The following ZBTB24 variants were observed in gnomAD, a reference collection of about 807,000 sequenced individuals.
ZBTB24 encodes zinc finger and BTB domain containing 24, also known as zinc finger and BTB domain-containing protein 24.
In ZBTB24, 32 loss-of-function variants were observed where a neutral mutation model predicts 53.8. The ratio of observed to expected loss-of-function variants is 0.60; its 90% CI spans 0.45 to 0.80. The LOEUF (loss-of-function observed/expected upper bound fraction) is 0.80. ZBTB24 is among the 30% of genes least tolerant of loss of function. The probability of loss-of-function intolerance (pLI) is 0.00; values close to 1 mark genes in which losing one functional copy is unlikely to be tolerated. For synonymous variants in ZBTB24, 297 were observed against 306.7 expected (o/e 0.97, Z 0.33); for missense variants, 722 against 837.1 (o/e 0.86, Z 1.70).
intron 2 of ZBTB24, among the ~76,000 whole-genome samples, chr6:109,479,915 C>CAAAA (rs200514874): frequency 1.2e-4 from 5 of 41,818 alleles, no homozygotes; most frequent in East Asian, 5.2e-4. Context: ...GAATCCATCT[C>CAAAA]AAAAAAAAAA....
At chr6:109,474,332 G>A (rs1053066051) in intron 5 of ZBTB24, among the ~76,000 whole-genome samples, 1 of 152,146 alleles carries the variant, frequency 6.6e-6, no homozygotes, top group African/African-American at 2.4e-5. Flanking sequence ...GATTTTTCTG[G>A]AGGTGGTGCT....
At chr6:109,482,091 A>G in intron 1 of ZBTB24, 37 bp from the exon 2 acceptor site, 1 of 1,461,482 alleles carries the variant, frequency 6.8e-7, no homozygotes, top group Non-Finnish European at 9.5e-7. Context: ...AGGAGAAAGC[A>G]CTGTCTAAAA....
Position 109,482,066 on chromosome 6 carries a change from A to C in ZBTB24, c.-28-12T>G, listed in dbSNP as rs1361100224. The C allele has an allele frequency of 6.3e-7, 1 of 1,589,854 alleles. No individual in the cohort carries two copies. The highest frequency in any genetic ancestry group is 8.6e-7 in the Non-Finnish European group (1 of 1,158,984). ...ACTAAGGGTTAAATCTGAAATAAGA[A>C]AACAAGGTTTAAAAAGGAGAAAGCA... On this transcript the variant is annotated splice_polypyrimidine_tract_variant and intron_variant, in intron 1 of 6. Transcript: ENST00000230122.
chr6:109,476,337 A>G (rs1776278337), intron 3 of ZBTB24, 79 bp from the exon 4 acceptor site: 2 of 1,458,622 alleles, frequency 1.4e-6, no homozygotes, highest in Non-Finnish European at 1.9e-6. Context: ...TAAATACTAC[A>G]GTGGGTCCAG....
Position 109,481,838 on chromosome 6 carries a change from T to C in ZBTB24, c.189A>G (p.Ser63=), listed in dbSNP as rs779449582. The C allele has an allele frequency of 2.5e-6, 4 of 1,614,094 alleles. No homozygotes were observed. The highest frequency in any genetic ancestry group is 3.4e-6 in the Non-Finnish European group (4 of 1,180,042). Reference sequence around the variant, plus strand: ...TTTCCCCCTCTTCTGCAAACATCATTGAGAAGTATTCACTACTGGCAGCAA... The same window carrying C: ...TTTCCCCCTCTTCTGCAAACATCATCGAGAAGTATTCACTACTGGCAGCAA... ...ALLAASSEYF[S]MMFAEEGEIG... Residue 63 remains serine (S), a synonymous_variant, in exon 2 of 7, where the codon TCA becomes TCG. Transcript: ENST00000230122.
At chr6:109,468,871 T>A (rs542130516) in intron 5 of ZBTB24, among the ~76,000 whole-genome samples, 4 of 150,412 alleles carry the variant, frequency 2.7e-5, no homozygotes, top group Non-Finnish European at 5.9e-5. Flanking sequence ...AGACTGTTCA[T>A]GTTCCCCAGA....
At chr6:109,475,195 C>T (rs762012962) in intron 5 of ZBTB24, among the ~76,000 whole-genome samples, 2 of 152,162 alleles carry the variant, frequency 1.3e-5, no homozygotes, top group Non-Finnish European at 2.9e-5. Context: ...CCATTTTGCT[C>T]ATCTACAAGA....
rs1291221297 is a variant in ZBTB24, at chr6:109,465,077, T to C, written c.*774A>G. 6.6e-6 allele frequency: 1 copy of C among 152,306 alleles called. No homozygotes were observed. Among genetic ancestry groups the C allele is most frequent in the Non-Finnish European group, 1.5e-5 (1 of 68,082 alleles). The allele number at this position is 152,306 out of a possible 1,614,324, so 9.4% of individuals were successfully genotyped here. The stretch of plus-strand genomic sequence containing the variant: ...AATTCAGAATTTAGGGTGAATGTCT[T>C]GATCCAATTTTGTATTTTAAACTTA... On this transcript the variant is annotated 3_prime_UTR_variant, in exon 7 of 7. Coordinates refer to ENST00000230122, the MANE Select transcript of ZBTB24 (RefSeq NM_014797.3).
intron 5 of ZBTB24, among the ~76,000 whole-genome samples, chr6:109,472,739 A>G (rs981280891): frequency 2.0e-5 from 3 of 152,198 alleles, no homozygotes; most frequent in Middle Eastern, 3.2e-3. Flanking sequence ...ATGGATGTCA[A>G]ATAGACACCA....
rs1205895705 is a variant in ZBTB24, at chr6:109,466,424, A to C, written c.1521T>G (p.Ala507=). The C allele has an allele frequency of 1.2e-6, 2 of 1,614,012 alleles. No individual in the cohort carries two copies. The highest frequency in any genetic ancestry group is 1.7e-6 in the Non-Finnish European group (2 of 1,180,040). Residue 507 remains alanine (A), a synonymous_variant, in exon 7 of 7, where the codon GCT becomes GCG. Coordinates refer to ENST00000230122, the MANE Select transcript of ZBTB24 (RefSeq NM_014797.3). ...LQFARLDNLK[A]HLKIHSKEKH... is the part of the protein sequence containing the mutation. The stretch of plus-strand genomic sequence containing the variant: ...TCTCCTTGCTATGAATTTTCAAGTG[A>C]GCCTTCAAGTTGTCTAAGCGAGCAA...
In ZBTB24 at chr6:109,464,340, A is replaced by G. The variant is rs2115351380; in HGVS notation, c.*1511T>C. ...GAATTCTCTATTACTCTAACCTCCA[A>G]ATAACTTATTTGATTTAGGGAGAAA... On this transcript the variant is annotated 3_prime_UTR_variant, in exon 7 of 7. Transcript: ENST00000230122. 6.6e-6 allele frequency: 1 copy of G among 152,250 alleles called. No individual in the cohort carries two copies. Among genetic ancestry groups the G allele is most frequent in the African/African-American group, 2.4e-5 (1 of 41,548 alleles). 9.4% of individuals were successfully genotyped at this position (152,250 alleles called of 1,614,324 possible).
intron 2 of ZBTB24, among the ~76,000 whole-genome samples, chr6:109,478,468 T>C (rs1776325386): frequency 6.6e-6 from 1 of 152,160 alleles, no homozygotes. Context: ...ATCTCATTAT[T>C]GGGCCACGAG....
intron 1 of ZBTB24, 26 bp from the exon 2 acceptor site, chr6:109,482,080 A>G: frequency 6.5e-7 from 1 of 1,530,408 alleles, no homozygotes; most frequent in Non-Finnish European, 9.0e-7. Context: ...AAGGTTTAAA[A>G]AGGAGAAAGC....
chr6:109,466,718 C>CT (rs1776052183), intron 6 of ZBTB24, 144 bp from the exon 7 acceptor site: 1 of 1,197,468 alleles, frequency 8.4e-7, no homozygotes, highest in Non-Finnish European at 1.2e-6. Context: ...AATTCAAGGA[C>CT]TTGAAGCAAG....
rs1269161443 is a variant in ZBTB24 at position 109,481,682 on chromosome 6, G to A, written c.345C>T (p.Phe115=). The change falls in exon 2 of 7, where the codon TTC becomes TTT. Residue 115 remains phenylalanine, a synonymous_variant. Transcript: ENST00000230122. ...CCTTTACCAGGTCATAGACTTTTAA[G>A]AACTGAGCAGTAGCCAGGATTTGTT... ...STEQILATAQ[F]LKVYDLVKAY... is the part of the protein sequence containing the mutation. 1.2e-6 allele frequency: 2 copies of A among 1,614,098 alleles called. No homozygotes were observed. The highest frequency in any genetic ancestry group is 2.7e-5 in the African/African-American group (2 of 74,920).
chr6:109,477,674 T>C (rs779926655), intron 2 of ZBTB24, among the ~76,000 whole-genome samples: 1 of 152,116 alleles, frequency 6.6e-6, no homozygotes, highest in Non-Finnish European at 1.5e-5. Flanking sequence ...GTCTTTGGAT[T>C]AGGAGTTTCT....
At chr6:109,468,314 C>T (rs6921167) in intron 5 of ZBTB24, among the ~76,000 whole-genome samples, 6,539 of 152,038 alleles carry the variant, frequency 0.043, 449 homozygotes, top group African/African-American at 0.15. Flanking sequence ...TTGATGCAGT[C>T]AGGTCATTTT....
Position 109,481,978 on chromosome 6 carries a change from C to T in ZBTB24, c.49G>A (p.Asp17Asn), listed in dbSNP as rs1287140191. Residue 17 changes from aspartate (D) to asparagine (N), a missense_variant, in exon 2 of 7, where the codon GAC becomes AAC. Transcript: ENST00000230122. ...GCCAGCACAGTGTCACTGTGAGCGT[C>T]TGAGTGTACAACAAGCTGCCCAGAA... is the stretch of plus-strand genomic sequence containing the variant. ...EPSGQLVVHS[D>N]AHSDTVLASF... The T allele has an allele frequency of 1.2e-6, 2 of 1,614,104 alleles. No homozygotes were observed. Among genetic ancestry groups the T allele is most frequent in the African/African-American group, 2.7e-5 (2 of 74,936 alleles).
At position 109,463,210 on chromosome 6, in the gene ZBTB24, C is replaced by T. The variant is rs1347289844; in HGVS notation, c.*2641G>A. 1 of 152,266 alleles carries T rather than the reference C, an allele frequency of 6.6e-6. No individual in the cohort carries two copies. The highest frequency in any genetic ancestry group is 2.4e-5 in the African/African-American group (1 of 41,446). The allele number at this position is 152,266 out of a possible 1,614,324, so 9.4% of individuals were successfully genotyped here. A position where few individuals can be genotyped will look rare whatever the true frequency, so the allele number is the denominator to read the frequency against. On this transcript the variant is annotated 3_prime_UTR_variant, in exon 7 of 7. Transcript: ENST00000230122. ...CTATGTTGGTCAGGCTGCCCTCGAA[C>T]TCCTGACCTCGTGATCCGCCCACCT...
Sources: allele counts gnomAD v4.1 joint callset (sites outside exome capture counted in the v4.1 genomes callset), GRCh38; gene constraint gnomAD v4.1.1; transcripts MANE v1.5; gene names NCBI Gene and HGNC (gene_info 2026-07-23, HGNC 2026-07-21).